Variants in MCUB observed in about 807,000 individuals in gnomAD.
MCUB encodes calcium uniporter regulatory subunit MCUb, mitochondrial.
A neutral mutation model predicts 41.4 loss-of-function variants in MCUB; 46 were observed. That is an observed-to-expected ratio of 1.11 (90% CI 0.88 to 1.42). The LOEUF (loss-of-function observed/expected upper bound fraction) is 1.42, where lower values mean the gene tolerates loss of function less well. Ranked by LOEUF, MCUB falls within the 40% of genes most tolerant of loss-of-function variation. The pLI is 0.00. For synonymous variants in MCUB, 148 were observed against 148.2 expected (o/e 1.00, Z 0.01); for missense variants, 403 against 404.9 (o/e 1.00, Z 0.04).
At chr4:109,596,606 TC>T (rs1244107723) in intron 1 of MCUB, among the ~76,000 whole-genome samples, 3 of 152,108 alleles carry the variant, frequency 2.0e-5, no homozygotes, top group Admixed American at 6.6e-5. Context: ...TGACGGTGCA[TC>T]CCCATATCAC....
intron 1 of MCUB, among the ~76,000 whole-genome samples, chr4:109,598,617 C>CGGGAGA (rs368384252): frequency 5.3e-4 from 81 of 151,620 alleles, no homozygotes; most frequent in African/African-American, 1.6e-3. Context: ...GGTGGGGAGA[C>CGGGAGA]GGGAGAGGGA....
intron 1 of MCUB, among the ~76,000 whole-genome samples, chr4:109,633,422 C>G (rs372906907): frequency 3.3e-4 from 46 of 138,214 alleles, no homozygotes; most frequent in African/African-American, 1.2e-3. Flanking sequence ...CATGCACCAC[C>G]ACGCCCAGCT....
chr4:109,562,775 C>T (rs1726672213), intron 1 of MCUB, among the ~76,000 whole-genome samples: 1 of 152,150 alleles, frequency 6.6e-6, no homozygotes, highest in Admixed American at 6.5e-5. Context: ...TTTCACACTT[C>T]TATGAGTGTG....
chr4:109,664,031 A>G (rs1302069263), intron 3 of MCUB, among the ~76,000 whole-genome samples: 2 of 152,162 alleles, frequency 1.3e-5, no homozygotes, highest in African/African-American at 2.4e-5. Context: ...CAAGGGCACT[A>G]CCTGGATTCC....
chr4:109,614,664 C>T (rs545481380), intron 1 of MCUB, among the ~76,000 whole-genome samples: 14 of 150,024 alleles, frequency 9.3e-5, no homozygotes, highest in Admixed American at 7.4e-4. Flanking sequence ...CCCCCAGGGA[C>T]TCAAGGTCGT....
At chr4:109,638,754 A>C (rs1159436355) in intron 1 of MCUB, among the ~76,000 whole-genome samples, 1 of 152,186 alleles carries the variant, frequency 6.6e-6, no homozygotes, top group Non-Finnish European at 1.5e-5. Flanking sequence ...TTATCAACTA[A>C]ATTTATTCTA....
chr4:109,587,852 C>T (rs1727346705), intron 1 of MCUB, among the ~76,000 whole-genome samples: 2 of 152,106 alleles, frequency 1.3e-5, no homozygotes, highest in Non-Finnish European at 2.9e-5. Context: ...AGTCTTTTCT[C>T]AGATGTTGTA....
In MCUB at chr4:109,688,149, T is replaced by C. The variant is rs1277760042; in HGVS notation, c.*557T>C. The C allele has an allele frequency of 1.3e-5, 2 of 152,286 alleles. No individual in the cohort carries two copies. The highest frequency in any genetic ancestry group is 2.4e-5 in the African/African-American group (1 of 41,468). 9.4% of individuals were successfully genotyped at this position (152,286 alleles called of 1,614,324 possible). On this transcript the variant is annotated 3_prime_UTR_variant, in exon 8 of 8. Transcript: ENST00000394650. ...TTTGAACTTCAACTGAAACAGTGTA[T>C]ATAAACGATTGCTTTTGAACCTGCA...
chr4:109,618,988 C>A (rs1728188696), intron 1 of MCUB, among the ~76,000 whole-genome samples: 1 of 141,278 alleles, frequency 7.1e-6, no homozygotes, highest in Non-Finnish European at 1.5e-5. Context: ...CTCTCTCTCT[C>A]TACCTACCAA....
At chr4:109,583,597 G>A (rs111965125) in intron 1 of MCUB, among the ~76,000 whole-genome samples, 2,756 of 152,198 alleles carry the variant, frequency 0.018, 61 homozygotes, top group South Asian at 0.073. Context: ...TTCCAACACT[G>A]TGTTGAATAG....
chr4:109,617,160 C>T (rs1184421072), intron 1 of MCUB, among the ~76,000 whole-genome samples: 1 of 152,174 alleles, frequency 6.6e-6, no homozygotes, highest in Non-Finnish European at 1.5e-5. Flanking sequence ...ACCCAATTTG[C>T]CTCAACTCTG....
intron 5 of MCUB, among the ~76,000 whole-genome samples, chr4:109,683,575 TACAA>T (rs1198837460): frequency 3.9e-5 from 6 of 152,226 alleles, no homozygotes; most frequent in African/African-American, 9.7e-5. Context: ...TTTATCTGTG[TACAA>T]ACAAATACAT....
At chr4:109,679,563 A>G (rs1406190224) in intron 4 of MCUB, among the ~76,000 whole-genome samples, 1 of 152,176 alleles carries the variant, frequency 6.6e-6, no homozygotes, top group Non-Finnish European at 1.5e-5. Context: ...GGGAGGTTGC[A>G]GCGAGCCGAG....
chr4:109,588,988 TAATG>T (rs1727373057), intron 1 of MCUB, among the ~76,000 whole-genome samples: 2 of 151,840 alleles, frequency 1.3e-5, no homozygotes, highest in South Asian at 4.2e-4. Flanking sequence ...GAAAAAAAAA[TAATG>T]AGAAGGGACT....
chr4:109,601,065 T>A (rs1179983757), intron 1 of MCUB, among the ~76,000 whole-genome samples: 4 of 152,118 alleles, frequency 2.6e-5, no homozygotes, highest in Non-Finnish European at 5.9e-5. Flanking sequence ...AGTGTTGGGA[T>A]TACAGGCGTG....
chr4:109,612,265 T>TTTC (rs1284108269), intron 1 of MCUB, among the ~76,000 whole-genome samples: 1 of 141,352 alleles, frequency 7.1e-6, no homozygotes, highest in African/African-American at 2.6e-5. Context: ...CTCCTTTTCT[T>TTTC]TTTTTTTTTT....
At chr4:109,676,288 C>T (rs557038347) in intron 4 of MCUB, among the ~76,000 whole-genome samples, 6 of 152,238 alleles carry the variant, frequency 3.9e-5, no homozygotes, top group African/African-American at 9.6e-5. Context: ...CCTATAATCC[C>T]GGCACTTTAG....
intron 4 of MCUB, among the ~76,000 whole-genome samples, chr4:109,680,559 T>C (rs1055356377): frequency 1.3e-5 from 2 of 151,408 alleles, no homozygotes; most frequent in Non-Finnish European, 2.9e-5. Context: ...TATGTACCAA[T>C]ACATTTTTCA....
chr4:109,575,350 A>G (rs17619310), intron 1 of MCUB, among the ~76,000 whole-genome samples: 5,901 of 152,282 alleles, frequency 0.039, 134 homozygotes, highest in East Asian at 0.058. Context: ...GATATTATTA[A>G]TCTTTCTGTA....
Sources: gnomAD v4.1 joint callset for allele counts (sites outside exome capture counted in the v4.1 genomes callset) on GRCh38, gnomAD v4.1.1 for gene constraint, MANE v1.5 for transcripts, NCBI Gene and HGNC (gene_info 2026-07-23, HGNC 2026-07-21) for gene names.